Variants in RPS6KA5 observed in about 807,000 individuals in gnomAD.
RPS6KA5 encodes ribosomal protein S6 kinase alpha-5.
A neutral mutation model predicts 85.5 loss-of-function variants in RPS6KA5; 27 were observed. The observed-to-expected ratio is 0.32, with a 90% CI of 0.23 to 0.44. RPS6KA5 has a LOEUF of 0.44. RPS6KA5 is among the 20% of genes least tolerant of loss of function. The pLI, the probability that RPS6KA5 is intolerant of heterozygous loss-of-function variation, is 1.00. For synonymous variants in RPS6KA5, 334 were observed against 348.2 expected (o/e 0.96, Z 0.46); for missense variants, 811 against 980.9 (o/e 0.83, Z 2.31).
intron 1 of RPS6KA5, among the ~76,000 whole-genome samples, chr14:91,012,101 T>C (rs1000122676): frequency 3.9e-5 from 6 of 152,222 alleles, no homozygotes; most frequent in African/African-American, 1.4e-4. Context: ...TTTTTTTTCT[T>C]TGAGACATCA....
intron 3 of RPS6KA5, among the ~76,000 whole-genome samples, chr14:90,955,086 C>G (rs922051250): frequency 2.0e-5 from 3 of 152,016 alleles, no homozygotes; most frequent in Admixed American, 6.6e-5. Flanking sequence ...CCATATTTGA[C>G]TAATTTCTAA....
chr14:90,970,643 A>G (rs1016736179), intron 3 of RPS6KA5, among the ~76,000 whole-genome samples: 1 of 152,194 alleles, frequency 6.6e-6, no homozygotes, highest in African/African-American at 2.4e-5. Flanking sequence ...TCAAAAGAAA[A>G]ATTATTTTTA....
At chr14:90,993,938 G>C (rs1020151788) in intron 2 of RPS6KA5, among the ~76,000 whole-genome samples, 1 of 151,694 alleles carries the variant, frequency 6.6e-6, no homozygotes, top group Non-Finnish European at 1.5e-5. Flanking sequence ...ACCCAGGCTG[G>C]AGTGTAGTGA....
chr14:90,945,788 T>G (rs895450405), intron 4 of RPS6KA5, among the ~76,000 whole-genome samples: 2 of 152,178 alleles, frequency 1.3e-5, no homozygotes, highest in African/African-American at 4.8e-5. Flanking sequence ...GGCAGATTGC[T>G]TGAGTCTAGT....
chr14:90,869,686 T>C lies in RPS6KA5; in HGVS notation c.*2388A>G, dbSNP rs757602655. The C allele has an allele frequency of 6.6e-6, 1 of 152,226 alleles. No individual in the cohort carries two copies. The highest frequency in any genetic ancestry group is 2.4e-5 in the African/African-American group (1 of 41,452). 9.4% of individuals were successfully genotyped at this position (152,226 alleles called of 1,614,324 possible). ...TTTTATATATTTTGTAGTGTTTATT[T>C]TTGATGTGACCAAATGAAAGCTTTC... On this transcript the variant is annotated 3_prime_UTR_variant, in exon 17 of 17. Transcript: ENST00000614987.
rs1370880272 is a variant in RPS6KA5, at chr14:90,870,125, T to C, written c.*1949A>G. On this transcript the variant is annotated 3_prime_UTR_variant, in exon 17 of 17. Transcript: ENST00000614987. ...TCTATTAGCAACATAGTCCCTTTAG[T>C]TTGTACTTTATAACTAGTATTTTCT... The C allele has an allele frequency of 1.3e-5, 2 of 152,204 alleles. No individual in the cohort carries two copies. The highest frequency in any genetic ancestry group is 2.9e-5 in the Non-Finnish European group (2 of 68,024). 9.4% of individuals were successfully genotyped at this position (152,204 alleles called of 1,614,324 possible).
At chr14:90,904,821 TCCAAG>T (rs796310317) in intron 8 of RPS6KA5, among the ~76,000 whole-genome samples, 101 of 152,300 alleles carry the variant, frequency 6.6e-4, no homozygotes, top group African/African-American at 2.3e-3. Context: ...AAATTACTAT[TCCAAG>T]CTACTGAAAA....
rs924632638 is a variant in RPS6KA5 at position 90,855,009 on chromosome 14, C to T, written c.*17065G>A. On this transcript the variant is annotated 3_prime_UTR_variant, in exon 17 of 17. Transcript: ENST00000614987. ...TATTTTGAAGTTTTAAAAGTCTAAT[C>T]GATTTTTTTCAATACATTTCATCTC... 1 of 152,064 alleles carries T rather than the reference C, an allele frequency of 6.6e-6. No individual in the cohort carries two copies. The highest frequency in any genetic ancestry group is 2.4e-5 in the African/African-American group (1 of 41,422). The allele number at this position is 152,064 out of a possible 1,614,324, so 9.4% of individuals were successfully genotyped here. A position where few individuals can be genotyped will look rare whatever the true frequency, so the allele number is the denominator to read the frequency against.
At chr14:91,024,941 G>A (rs1407012373) in intron 1 of RPS6KA5, among the ~76,000 whole-genome samples, 1 of 152,008 alleles carries the variant, frequency 6.6e-6, no homozygotes, top group African/African-American at 2.4e-5. Context: ...GAGTGCAGTG[G>A]TGTGATCTCA....
At chr14:90,979,046 T>G (rs546109495) in intron 2 of RPS6KA5, among the ~76,000 whole-genome samples, 1 of 152,354 alleles carries the variant, frequency 6.6e-6, no homozygotes, top group African/African-American at 2.4e-5. Flanking sequence ...TCTTCAGACT[T>G]AAAACATGAA....
intron 3 of RPS6KA5, among the ~76,000 whole-genome samples, chr14:90,966,134 A>G (rs1162430191): frequency 2.0e-5 from 3 of 152,256 alleles, no homozygotes. Flanking sequence ...ACTACGTCTG[A>G]TGAATGTCAC....
chr14:91,011,813 A>G (rs1566861861), intron 1 of RPS6KA5, among the ~76,000 whole-genome samples: 1 of 152,248 alleles, frequency 6.6e-6, no homozygotes, highest in Admixed American at 6.5e-5. Flanking sequence ...ATCAAGGCAC[A>G]TTTAATTAAC....
chr14:91,022,536 C>T (rs898208190), intron 1 of RPS6KA5, among the ~76,000 whole-genome samples: 16 of 152,128 alleles, frequency 1.1e-4, no homozygotes, highest in African/African-American at 1.2e-4. Context: ...AAAGGTTGAG[C>T]ATCTAAGAAT....
At chr14:91,042,724 T>C (rs2042652653) in intron 1 of RPS6KA5, among the ~76,000 whole-genome samples, 1 of 151,336 alleles carries the variant, frequency 6.6e-6, no homozygotes, top group Non-Finnish European at 1.5e-5. Context: ...TAAAAGCAAG[T>C]CTTTTATCGG....
rs988534240 is a variant in RPS6KA5 at position 90,850,167 on chromosome 14, C to T, written c.*21907G>A. On this transcript the variant is annotated 3_prime_UTR_variant, in exon 17 of 17. Coordinates refer to ENST00000614987, the MANE Select transcript of RPS6KA5 (RefSeq NM_004755.4). ...ACCTCAATTCTTTCCTCTGGGATCC[C>T]GTCAGCTTCTCCTTCCCCAGAGGTC... 1.3e-5 allele frequency: 2 copies of T among 152,162 alleles called. No individual in the cohort carries two copies. The highest frequency in any genetic ancestry group is 2.4e-5 in the African/African-American group (1 of 41,430). 9.4% of individuals were successfully genotyped at this position (152,162 alleles called of 1,614,324 possible).
At chr14:90,930,915 C>T (rs755932702) in intron 5 of RPS6KA5, among the ~76,000 whole-genome samples, 1 of 152,166 alleles carries the variant, frequency 6.6e-6, no homozygotes, top group African/African-American at 2.4e-5. Flanking sequence ...TACGGAGAAC[C>T]TGGAACTTTT....
chr14:91,041,477 T>C (rs2042604181), intron 1 of RPS6KA5, among the ~76,000 whole-genome samples: 1 of 152,218 alleles, frequency 6.6e-6, no homozygotes, highest in Non-Finnish European at 1.5e-5. Context: ...ATTTACCAGA[T>C]AAGCTCTAAT....
chr14:90,988,956 AC>A (rs1309939958), intron 2 of RPS6KA5, among the ~76,000 whole-genome samples: 1 of 152,220 alleles, frequency 6.6e-6, no homozygotes, highest in Non-Finnish European at 1.5e-5. Flanking sequence ...GTATTTTCTC[AC>A]TTGTTAAATT....
At chr14:90,921,237 G>A (rs1002895021) in intron 6 of RPS6KA5, among the ~76,000 whole-genome samples, 18 of 152,278 alleles carry the variant, frequency 1.2e-4, no homozygotes, top group African/African-American at 4.1e-4. Flanking sequence ...AATACAGAGT[G>A]CTGACATACA....
Sources: gnomAD v4.1 joint callset for allele counts (sites outside exome capture counted in the v4.1 genomes callset) on GRCh38, gnomAD v4.1.1 for gene constraint, MANE v1.5 for transcripts, NCBI Gene and HGNC (gene_info 2026-07-23, HGNC 2026-07-21) for gene names.